The following ATG9B variants were observed in gnomAD, a reference collection of about 807,000 sequenced individuals.
ATG9B encodes autophagy-related protein 9B.
In ATG9B, 92 loss-of-function variants were observed where a neutral mutation model predicts 92.9. That is an observed-to-expected ratio of 0.99 (90% CI 0.84 to 1.18). The LOEUF is 1.18. Ranked by LOEUF, ATG9B falls within the 50% of genes most tolerant of loss-of-function variation. The pLI is 0.00. For synonymous variants in ATG9B, 599 were observed against 551.4 expected (o/e 1.09, Z -1.21); for missense variants, 1,344 against 1,235.0 (o/e 1.09, Z -1.32).
intron 4 of ATG9B, 66 bp from the exon 5 acceptor site, chr7:151,021,395 TCGGGAGTGAGG>T (rs1421887122): frequency 6.0e-6 from 9 of 1,494,456 alleles, no homozygotes; most frequent in Middle Eastern, 2.3e-4. Flanking sequence ...AGACCAGACT[TCGGGAGTGAGG>T]AAAAACCATC....
chr7:151,017,425 C>G (rs1795546755), intron 8 of ATG9B, among the ~76,000 whole-genome samples, 153 bp from the exon 9 acceptor site: 1 of 152,168 alleles, frequency 6.6e-6, no homozygotes, highest in African/African-American at 2.4e-5. Flanking sequence ...CAGTGCAGAA[C>G]CTGGGCCTGT....
chr7:151,014,512 G>A (rs1795400423), downstream of ATG9B: 1 of 269,784 alleles, frequency 3.7e-6, no homozygotes, highest in East Asian at 6.8e-5. Flanking sequence ...TCTAAATCAA[G>A]TATTTATTAT....
In ATG9B at chr7:151,017,197, G is replaced by T; in HGVS notation, c.2128C>A (p.Arg710=). Reference sequence around the variant, plus strand: ...CAGAGTGGATGCGCCAGGGAGAACCGCATCAAAGAAAGCTCAGTCTTGCCG... The same window carrying T: ...CAGAGTGGATGCGCCAGGGAGAACCTCATCAAAGAAAGCTCAGTCTTGCCG... ...EDGKTELSLM[R]FSLAHPLWRP... Residue 710 remains arginine (R), a synonymous_variant, in exon 9 of 14, where the codon CGG becomes AGG. Transcript: ENST00000639579. 6.2e-7 allele frequency: 1 copy of T among 1,612,736 alleles called. No individual in the cohort carries two copies. Among genetic ancestry groups the T allele is most frequent in the Non-Finnish European group, 8.5e-7 (1 of 1,179,514 alleles).
At chr7:151,023,580 A>G (rs1449806683) in intron 2 of ATG9B, 71 bp from the exon 3 acceptor site, 96 of 1,610,536 alleles carry the variant, frequency 6.0e-5, no homozygotes, top group Non-Finnish European at 7.6e-5. Flanking sequence ...CTCAGCCCCA[A>G]CAAGTCTCCC....
downstream of ATG9B, chr7:151,013,798 C>G (rs750755652): frequency 1.9e-6 from 3 of 1,610,864 alleles, no homozygotes; most frequent in Non-Finnish European, 2.5e-6. Flanking sequence ...AGCGGGGCCA[C>G]ATGTTTGTCT....
rs1454525236 is a variant in ATG9B, at chr7:151,019,058, T to C, written c.1280A>G (p.Gln427Arg). The part of the protein sequence containing the change: ...ELPHAYKRSD[Q>R]RGALAARWGR... Reference sequence around the variant, plus strand: ...CCAGCGCGCTGCTAGGGCGCCCCGCTGGTCGCTGCGCTTGTAGGCGTGCGG... The same window carrying C: ...CCAGCGCGCTGCTAGGGCGCCCCGCCGGTCGCTGCGCTTGTAGGCGTGCGG... The change falls in exon 6 of 14, where the codon CAG (glutamine) becomes CGG (arginine). Residue 427 changes from glutamine to arginine, a missense_variant. Physicochemically the swap from Gln to Arg is conservative, Grantham distance 43 (BLOSUM62 1). Coordinates refer to ENST00000639579, the MANE Select transcript of ATG9B (RefSeq NM_001317056.2). 4 of 1,536,942 alleles carry C rather than the reference T, an allele frequency of 2.6e-6. No homozygotes were observed. The highest frequency in any genetic ancestry group is 3.5e-6 in the Non-Finnish European group (4 of 1,146,726).
In ATG9B at chr7:151,018,759, G is replaced by T; in HGVS notation, c.1579C>A (p.Leu527Met). 6.6e-7 allele frequency: 1 copy of T among 1,524,796 alleles called. No individual in the cohort carries two copies. Among genetic ancestry groups the T allele is most frequent in the Non-Finnish European group, 8.8e-7 (1 of 1,141,588 alleles). 94.5% of individuals were successfully genotyped at this position (1,524,796 alleles called of 1,614,324 possible). A position where few individuals can be genotyped will look rare whatever the true frequency, so the allele number is the denominator to read the frequency against. The change falls in exon 6 of 14, where the codon CTG becomes ATG. Residue 527 changes from leucine (L) to methionine (M), a missense_variant. Physicochemically the swap from Leu to Met is conservative, Grantham distance 15. Transcript: ENST00000639579. The surrounding 1 kb of genome is among the most constrained non-coding windows in gnomAD (Gnocchi z 4.7). ...AAPPAPLRTL[L>M]ARQLVFFAGA... The stretch of plus-strand genomic sequence containing the variant: ...GCGAAGAAAACGAGCTGGCGGGCCA[G>T]CAGCGTGCGCAGGGGCGCGGGGGGC...
In ATG9B at chr7:151,023,369, A is replaced by G. The variant is rs957947769; in HGVS notation, c.659+76T>C. ...AGCATGGGATGGAAGCAGCTGGCAC[A>G]ATTAAGGAAGCAAAATGACAGAAGG... On this transcript the variant is annotated intron_variant, in intron 3 of 13. Coordinates refer to ENST00000639579, the MANE Select transcript of ATG9B (RefSeq NM_001317056.2). 11 of 1,601,738 alleles carry G rather than the reference A, an allele frequency of 6.9e-6. No homozygotes were observed. The Admixed American group carries it at 8.5e-5, about 12-fold the overall frequency.
chr7:151,017,261 C>T lies in ATG9B; in HGVS notation c.2064G>A (p.Ala688=), dbSNP rs1394248208. 3.1e-6 allele frequency: 5 copies of T among 1,592,876 alleles called. No individual in the cohort carries two copies. The highest frequency in any genetic ancestry group is 2.2e-5 in the East Asian group (1 of 44,522). Residue 688 remains alanine (A), a synonymous_variant, in exon 9 of 14, where the codon GCG becomes GCA. Coordinates refer to ENST00000639579, the MANE Select transcript of ATG9B (RefSeq NM_001317056.2). The part of the protein sequence containing the change: ...KRHGHPQWLS[A]GQTEASLSQR... ...GAGACAGCGAGGCCTCAGTCTGTCC[C>T]GCCGAGAGCCACTGTGAGCAAGGAC...
At chr7:151,013,527 C>T, downstream of ATG9B, 1 of 1,190,342 alleles carries the variant, frequency 8.4e-7, no homozygotes, top group South Asian at 1.6e-5. Flanking sequence ...CACCCTTGTG[C>T]CCCGGCCCCT....
chr7:151,014,175 G>A (rs151197128), downstream of ATG9B: 14,251 of 1,593,822 alleles, frequency 8.9e-3, 87 homozygotes, highest in Non-Finnish European at 0.011. Context: ...CCTGAGAGCC[G>A]CCTGGCTTTC....
At chr7:151,012,241 T>C (rs374459748), downstream of ATG9B, 204 of 971,074 alleles carry the variant, frequency 2.1e-4, 2 homozygotes, top group Middle Eastern at 4.7e-3. Flanking sequence ...TTTTTAATTT[T>C]TTTTTGAGAT....
At chr7:151,013,619 C>T (rs1795360112), downstream of ATG9B, 2 of 1,185,806 alleles carry the variant, frequency 1.7e-6, no homozygotes, top group Non-Finnish European at 1.2e-6. Context: ...CAGGCCCCAC[C>T]AGGCCCGCTC....
rs747882999 is a variant in ATG9B at position 151,019,096 on chromosome 7, C to CCCGCGGAAGAGCGAGAAGGGA, written c.1221_1241dup (p.Pro408_Gly414dup). On this transcript the variant is annotated inframe_insertion, in exon 6 of 14. Coordinates refer to ENST00000639579, the MANE Select transcript of ATG9B (RefSeq NM_001317056.2). ...TGTAGGCGTGCGGCAGCTCCCAGCC[C>CCCGCGGAAGAGCGAGAAGGGA]CCGCGGAAGAGCGAGAAGGGACCGC... is the stretch of plus-strand genomic sequence containing the variant. 18 of 1,535,742 alleles carry CCCGCGGAAGAGCGAGAAGGGA rather than the reference C, an allele frequency of 1.2e-5. No homozygotes were observed. Among genetic ancestry groups the CCCGCGGAAGAGCGAGAAGGGA allele is most frequent in the Non-Finnish European group, 1.5e-5 (17 of 1,146,532 alleles).
intron 12 of ATG9B, 24 bp downstream of exon 12, chr7:151,016,085 C>G: frequency 6.5e-7 from 1 of 1,540,238 alleles, no homozygotes; most frequent in Non-Finnish European, 8.8e-7. Context: ...AGGCTCTGTC[C>G]CCTGCAGGCC....
Position 151,018,133 on chromosome 7 carries a change from T to A in ATG9B, c.1873-83A>T. 1.4e-6 allele frequency: 2 copies of A among 1,476,410 alleles called. No homozygotes were observed. Among genetic ancestry groups the A allele is most frequent in the Non-Finnish European group, 9.0e-7 (1 of 1,112,222 alleles). 91.5% of individuals were successfully genotyped at this position (1,476,410 alleles called of 1,614,324 possible). ...AGGACCAAGCAGTCCCCAGCGACCC[T>A]CGCCAGGGCAAGAAGCCTCCCCACC... On this transcript the variant is annotated intron_variant, in intron 7 of 13. Transcript: ENST00000639579. The surrounding 1 kb of genome is among the most constrained non-coding windows in gnomAD (Gnocchi z 4.7).
Position 151,018,310 on chromosome 7 carries a change from A to T in ATG9B, c.1856T>A (p.Leu619Gln). ...CACCCTCACCGCTCGGTACTGCAGC[A>T]GCTGCGCCATCTGCCGGTAGGCGCG... ...RDRAYRQMAQ[L>Q]LQYRAVSLLE... The change falls in exon 7 of 14, where the codon CTG becomes CAG. Residue 619 changes from leucine to glutamine, a missense_variant. Leu to Gln is a moderately radical substitution (Grantham distance 113). Coordinates refer to ENST00000639579, the MANE Select transcript of ATG9B (RefSeq NM_001317056.2). This position sits in a 1 kb window ranked among gnomAD's most constrained non-coding sequence, Gnocchi z 4.7. 6.4e-7 allele frequency: 1 copy of T among 1,574,678 alleles called. No homozygotes were observed. Among genetic ancestry groups the T allele is most frequent in the Non-Finnish European group, 8.6e-7 (1 of 1,166,690 alleles).
Position 151,018,763 on chromosome 7 carries a change from C to A in ATG9B, c.1575G>T (p.Thr525=), listed in dbSNP as rs770125112. The A allele has an allele frequency of 4.6e-6, 7 of 1,515,142 alleles. No individual in the cohort carries two copies. In the African/African-American group the frequency reaches 1.0e-4, roughly 22 times the overall value. The allele number at this position is 1,515,142 out of a possible 1,614,324, so 93.9% of individuals were successfully genotyped here. A position where few individuals can be genotyped will look rare whatever the true frequency, so the allele number is the denominator to read the frequency against. ...AGAAAACGAGCTGGCGGGCCAGCAG[C>A]GTGCGCAGGGGCGCGGGGGGCGCAG... The part of the protein sequence containing the change: ...RTAAPPAPLR[T]LLARQLVFFA... The change falls in exon 6 of 14, where the codon ACG becomes ACT. Residue 525 remains threonine (T), a synonymous_variant. Transcript: ENST00000639579. The surrounding 1 kb of genome is among the most constrained non-coding windows in gnomAD (Gnocchi z 4.7).
chr7:151,016,317 C>T, intron 11 of ATG9B, 82 bp from the exon 12 acceptor site: 1 of 1,480,640 alleles, frequency 6.8e-7, no homozygotes, highest in Non-Finnish European at 9.0e-7. Flanking sequence ...GAGGGCTTTT[C>T]AGCCTCCTCC....
Sources: gnomAD v4.1 joint callset for allele counts (sites outside exome capture counted in the v4.1 genomes callset) on GRCh38, gnomAD v4.1.1 for gene constraint, Gnocchi (gnomAD v3.1) non-coding constraint, MANE v1.5 for transcripts, NCBI Gene and HGNC (gene_info 2026-07-23, HGNC 2026-07-21) for gene names.